Variants in SELENOF observed in about 807,000 individuals in gnomAD.
The protein encoded by SELENOF is selenoprotein F.
SELENOF carries 16 observed loss-of-function variants against 20.5 expected under a neutral mutation model. The ratio of observed to expected loss-of-function variants is 0.78; its 90% CI spans 0.53 to 1.19. The LOEUF (loss-of-function observed/expected upper bound fraction) is 1.19, where lower values mean the gene tolerates loss of function less well. Among genes scored for constraint, SELENOF ranks in the 50% most tolerant of loss-of-function variants. The pLI, the probability that SELENOF is intolerant of heterozygous loss-of-function variation, is 0.00. For synonymous variants in SELENOF, 78 were observed against 74.5 expected (o/e 1.05, Z -0.24); for missense variants, 215 against 194.2 (o/e 1.11, Z -0.64).
intron 3 of SELENOF, among the ~76,000 whole-genome samples, chr1:86,871,896 G>A (rs750973513): frequency 6.6e-5 from 10 of 151,982 alleles, no homozygotes; most frequent in African/African-American, 2.2e-4. Flanking sequence ...TATGCAAATA[G>A]CAAATAAAGT....
intron 2 of SELENOF, among the ~76,000 whole-genome samples, chr1:86,886,387 A>C (rs1659218201): frequency 6.6e-6 from 1 of 152,104 alleles, no homozygotes; most frequent in African/African-American, 2.4e-5. Flanking sequence ...TTAATCTGAA[A>C]AGGTAAACCA....
intron 2 of SELENOF, among the ~76,000 whole-genome samples, chr1:86,891,252 T>C (rs1364046339): frequency 6.6e-6 from 1 of 152,026 alleles, no homozygotes; most frequent in Non-Finnish European, 1.5e-5. Context: ...TTTCTCCATG[T>C]TGGTCAGGCT....
intron 1 of SELENOF, among the ~76,000 whole-genome samples, chr1:86,912,289 T>G (rs1475102780): frequency 6.6e-6 from 1 of 152,216 alleles, no homozygotes; most frequent in African/African-American, 2.4e-5. Flanking sequence ...ATATGATATA[T>G]GTAAGGAAAG....
upstream of SELENOF, chr1:86,914,391 C>A: frequency 2.0e-6 from 1 of 491,570 alleles, no homozygotes; most frequent in Non-Finnish European, 3.7e-6. Flanking sequence ...CAAGAAGCCA[C>A]GCCTTCGCCA....
At chr1:86,908,096 G>T (rs1659877727) in intron 1 of SELENOF, among the ~76,000 whole-genome samples, 1 of 152,066 alleles carries the variant, frequency 6.6e-6, no homozygotes, top group South Asian at 2.1e-4. Flanking sequence ...GAGAGAGTTG[G>T]CAGCAGAGAA....
chr1:86,900,605 G>A (rs1188073003), intron 2 of SELENOF, among the ~76,000 whole-genome samples: 1 of 151,886 alleles, frequency 6.6e-6, no homozygotes, highest in Non-Finnish European at 1.5e-5. Context: ...AGACCGTGGG[G>A]AGAGGGAGAC....
intron 2 of SELENOF, among the ~76,000 whole-genome samples, chr1:86,894,604 C>T (rs1010217847): frequency 6.6e-6 from 1 of 152,044 alleles, no homozygotes; most frequent in Admixed American, 6.6e-5. Flanking sequence ...ACTTGGGAGT[C>T]CCAGGGAGAG....
At chr1:86,882,418 A>G (rs940801718) in intron 2 of SELENOF, among the ~76,000 whole-genome samples, 2 of 151,784 alleles carry the variant, frequency 1.3e-5, no homozygotes, top group Admixed American at 1.3e-4. Context: ...GGGATGGTCA[A>G]TATTACTAGA....
At chr1:86,890,136 T>G (rs963561397) in intron 2 of SELENOF, among the ~76,000 whole-genome samples, 5 of 152,196 alleles carry the variant, frequency 3.3e-5, no homozygotes, top group Non-Finnish European at 5.9e-5. Flanking sequence ...TCATCTTCTC[T>G]CATCATAACC....
intron 2 of SELENOF, among the ~76,000 whole-genome samples, chr1:86,896,706 T>C (rs1483166937): frequency 6.6e-6 from 1 of 152,212 alleles, no homozygotes; most frequent in Non-Finnish European, 1.5e-5. Flanking sequence ...AAGTAAAATG[T>C]AGAAACGGGA....
At chr1:86,873,053 AAAT>A (rs1557455397) in intron 3 of SELENOF, among the ~76,000 whole-genome samples, 1 of 55,884 alleles carries the variant, frequency 1.8e-5, no homozygotes, top group Non-Finnish European at 3.2e-5. Context: ...TAAAATAAAT[AAAT>A]AAATAAATAA....
intron 2 of SELENOF, among the ~76,000 whole-genome samples, chr1:86,896,598 TTAAGG>T (rs1349459777): frequency 5.3e-5 from 8 of 152,290 alleles, no homozygotes; most frequent in Non-Finnish European, 1.0e-4. Context: ...AAAATACCTA[TTAAGG>T]TGAGTGGTCA....
At chr1:86,886,433 C>CTT (rs10633486) in intron 2 of SELENOF, among the ~76,000 whole-genome samples, 13,734 of 146,114 alleles carry the variant, frequency 0.094, 723 homozygotes, top group Non-Finnish European at 0.12. Context: ...TGTTACAGTA[C>CTT]TTTTTTTTTT....
upstream of SELENOF, chr1:86,914,202 G>T: frequency 9.0e-7 from 1 of 1,116,078 alleles, no homozygotes; most frequent in Non-Finnish European, 1.4e-6. Flanking sequence ...AACGGCCGTT[G>T]CCCTTACATC....
chr1:86,873,179 C>T (rs1426620585), intron 3 of SELENOF, among the ~76,000 whole-genome samples: 4 of 151,706 alleles, frequency 2.6e-5, no homozygotes, highest in African/African-American at 4.8e-5. Flanking sequence ...ATTGTTTGAA[C>T]CTGGGAGGCA....
intron 1 of SELENOF, 101 bp downstream of exon 1, chr1:86,913,927 G>T (rs530451237): frequency 9.8e-6 from 11 of 1,121,808 alleles, no homozygotes; most frequent in Non-Finnish European, 1.5e-5. Context: ...AGGAAGCGCA[G>T]TCCTCCCCAC....
chr1:86,903,233 T>C (rs1557470713), intron 2 of SELENOF, 48 bp downstream of exon 2: 2 of 1,508,392 alleles, frequency 1.3e-6, no homozygotes, highest in Non-Finnish European at 1.8e-6. Flanking sequence ...ATTTTTACCT[T>C]ATCTCAACTA....
intron 3 of SELENOF, among the ~76,000 whole-genome samples, chr1:86,877,860 A>C (rs1239798052): frequency 1.3e-5 from 2 of 152,190 alleles, no homozygotes; most frequent in Non-Finnish European, 2.9e-5. Context: ...TAGTTATGAC[A>C]GAGCCCATGG....
intron 3 of SELENOF, among the ~76,000 whole-genome samples, chr1:86,870,475 C>T (rs1658732631): frequency 1.3e-5 from 2 of 152,154 alleles, no homozygotes; most frequent in Non-Finnish European, 2.9e-5. Flanking sequence ...CATGTCTGTG[C>T]AAAATACTAT....
Sources: gnomAD v4.1 joint callset for allele counts (sites outside exome capture counted in the v4.1 genomes callset) on GRCh38, gnomAD v4.1.1 for gene constraint, MANE v1.5 for transcripts, NCBI Gene and HGNC (gene_info 2026-07-23, HGNC 2026-07-21) for gene names.